Variants in KHDC1 observed in about 807,000 individuals in gnomAD.
KHDC1 encodes KH homology domain-containing protein 1.
In KHDC1, 21 loss-of-function variants were observed where a neutral mutation model predicts 24.7. The observed-to-expected ratio is 0.85, with a 90% CI of 0.60 to 1.23. The LOEUF is 1.23. Ranked by LOEUF, KHDC1 falls within the 50% of genes most tolerant of loss-of-function variation. The pLI, the probability that KHDC1 is intolerant of heterozygous loss-of-function variation, is 0.00. For synonymous variants in KHDC1, 98 were observed against 111.7 expected (o/e 0.88, Z 0.77); for missense variants, 274 against 298.5 (o/e 0.92, Z 0.61).
At chr6:73,271,360 TCAC>T (rs1209887083) in intron 2 of KHDC1, among the ~76,000 whole-genome samples, 1 of 151,210 alleles carries the variant, frequency 6.6e-6, no homozygotes, top group East Asian at 2.0e-4. Context: ...CAGGCACCCG[TCAC>T]CACACCTGGC....
At chr6:73,281,779 C>T (rs1767418217) in intron 2 of KHDC1, among the ~76,000 whole-genome samples, 1 of 152,104 alleles carries the variant, frequency 6.6e-6, no homozygotes, top group Non-Finnish European at 1.5e-5. Context: ...GGTCCTTTTT[C>T]TGCCCCAGGA....
At chr6:73,292,018 C>G (rs774391260) in exon 2 of KHDC1, 1 of 1,614,028 alleles carries the variant, frequency 6.2e-7, no homozygotes, top group Non-Finnish European at 8.5e-7. Flanking sequence ...GGCATCTAGT[C>G]TTTCCGCTCC....
intron 2 of KHDC1, among the ~76,000 whole-genome samples, chr6:73,249,384 C>G (rs62411447): frequency 6.6e-6 from 1 of 151,982 alleles, no homozygotes; most frequent in African/African-American, 2.4e-5. Context: ...CAGCTGGTGC[C>G]GCTGGAAAAA....
intron 2 of KHDC1, among the ~76,000 whole-genome samples, chr6:73,280,518 T>C (rs944363909): frequency 2.0e-5 from 2 of 99,142 alleles, no homozygotes; most frequent in Admixed American, 9.1e-5. Flanking sequence ...TAATTTCTTT[T>C]TTTTTTTTTT....
intron 2 of KHDC1, among the ~76,000 whole-genome samples, chr6:73,263,718 C>T (rs933520850): frequency 5.9e-5 from 9 of 152,166 alleles, no homozygotes; most frequent in Admixed American, 1.3e-4. Context: ...TTTGAGATCC[C>T]ATCTGCCACT....
At chr6:73,243,046 G>T (rs1443835720) in intron 2 of KHDC1, among the ~76,000 whole-genome samples, 2 of 152,160 alleles carry the variant, frequency 1.3e-5, no homozygotes, top group African/African-American at 4.8e-5. Context: ...CGTAGGAGTT[G>T]ACTGGGTGAG....
intron 2 of KHDC1, among the ~76,000 whole-genome samples, chr6:73,290,206 G>C (rs886402032): frequency 6.6e-6 from 1 of 151,648 alleles, no homozygotes; most frequent in Admixed American, 6.6e-5. Context: ...GAACCCGGGA[G>C]GCAGAAGTTG....
intron 1 of KHDC1, among the ~76,000 whole-genome samples, chr6:73,306,377 C>A (rs1424905779): frequency 6.6e-6 from 1 of 152,148 alleles, no homozygotes; most frequent in Admixed American, 6.6e-5. Context: ...CCGTTCCCAG[C>A]TATTTCCCCA....
At chr6:73,288,881 C>T (rs1442235148) in intron 2 of KHDC1, among the ~76,000 whole-genome samples, 1 of 151,312 alleles carries the variant, frequency 6.6e-6, no homozygotes, top group Non-Finnish European at 1.5e-5. Context: ...AAAAGCCTAG[C>T]CTAATAACAC....
At chr6:73,299,465 C>G (rs1348604210) in intron 1 of KHDC1, 1 of 152,586 alleles carries the variant, frequency 6.6e-6, no homozygotes, top group Non-Finnish European at 1.5e-5. Context: ...CGTGACAGAA[C>G]CCAGCCATCC....
In KHDC1 at chr6:73,253,560, A is replaced by T. The variant is rs549532825; in HGVS notation, c.207-11030T>A. Among the ~76,000 whole-genome samples the T allele has an allele frequency of 2.6e-3, 400 of 151,984 alleles. 1 individual carries two copies. Among genetic ancestry groups the T allele is most frequent in the African/African-American group, 4.8e-3 (198 of 41,518 alleles). On this transcript the variant is annotated intron_variant, in intron 2 of 4. Transcript: ENST00000370384. ...AGAGCGAGAGTCCGTCTCAAAAAAA[A>T]AAATAAATAAATAATAAAATAAAAT...
At chr6:73,255,792 C>G (rs1306059971) in intron 2 of KHDC1, among the ~76,000 whole-genome samples, 1 of 151,296 alleles carries the variant, frequency 6.6e-6, no homozygotes, top group Non-Finnish European at 1.5e-5. Context: ...ATCCCAGCTA[C>G]TCACGAGGCT....
chr6:73,295,128 T>C lies in KHDC1; in HGVS notation c.164-3088A>G, dbSNP rs146287434. On this transcript the variant is annotated intron_variant, in intron 1 of 4. Coordinates refer to ENST00000370384, the Ensembl canonical transcript of KHDC1. ...ACATCCCAGACACTGCACTCCAGTC[T>C]GGCGACAGAGCAAGACCCTGTCTCA... Among the ~76,000 whole-genome samples the C allele has an allele frequency of 1.5e-3, 231 of 152,194 alleles. 1 individual carries two copies. Among genetic ancestry groups the C allele is most frequent in the African/African-American group, 5.2e-3 (215 of 41,528 alleles).
In KHDC1 at chr6:73,297,712, T is replaced by TA. The variant is rs1340550157; in HGVS notation, c.164-5673dup. ...TATGCTTTTAAGTGTTCTTTCTTTTTAAAAAATCATTATTGGAAAATGCAA... is the reference window on the plus strand; with the variant it reads ...TATGCTTTTAAGTGTTCTTTCTTTTTAAAAAAATCATTATTGGAAAATGCAA... On this transcript the variant is annotated intron_variant, in intron 1 of 4. Coordinates refer to ENST00000370384, the Ensembl canonical transcript of KHDC1. 5.3e-5 allele frequency among the ~76,000 whole-genome samples: 8 copies of TA among 152,242 alleles called. No individual in the cohort carries two copies. The East Asian group carries it at 1.5e-3, about 29-fold the overall frequency.
intron 1 of KHDC1, among the ~76,000 whole-genome samples, chr6:73,302,509 C>A (rs551460864): frequency 5.9e-5 from 9 of 152,276 alleles, no homozygotes; most frequent in African/African-American, 2.2e-4. Context: ...ACCTGTATGG[C>A]ATATTATACA....
chr6:73,271,187 G>A (rs991951996), intron 2 of KHDC1, among the ~76,000 whole-genome samples: 1 of 151,886 alleles, frequency 6.6e-6, no homozygotes, highest in African/African-American at 2.4e-5. Flanking sequence ...TAGACATGAT[G>A]TAAAATGTTT....
At chr6:73,309,949 C>A in exon 1 of KHDC1, 1 of 487,610 alleles carries the variant, frequency 2.1e-6, no homozygotes. Flanking sequence ...ATGCGGCTGG[C>A]AAGACGTCCC....
At chr6:73,306,964 G>A (rs1272903775) in intron 1 of KHDC1, among the ~76,000 whole-genome samples, 1 of 152,144 alleles carries the variant, frequency 6.6e-6, no homozygotes. Context: ...AGTTGAGATT[G>A]TGCCACTGCA....
chr6:73,242,952 T>A (rs2150549106), intron 2 of KHDC1, among the ~76,000 whole-genome samples: 1 of 152,252 alleles, frequency 6.6e-6, no homozygotes, highest in Non-Finnish European at 1.5e-5. Context: ...AGACGGGGTT[T>A]GTTTGGTGTG....
Sources: allele counts gnomAD v4.1 joint callset (sites outside exome capture counted in the v4.1 genomes callset), GRCh38; gene constraint gnomAD v4.1.1; transcripts MANE v1.5; gene names NCBI Gene and HGNC (gene_info 2026-07-23, HGNC 2026-07-21).